The following NAPSA variants were observed in gnomAD, a reference collection of about 807,000 sequenced individuals.
NAPSA encodes the protein napsin-A.
In NAPSA, 37 loss-of-function variants were observed where a neutral mutation model predicts 36.7. The ratio of observed to expected loss-of-function variants is 1.01; its 90% CI spans 0.78 to 1.33. The LOEUF is 1.33. Ranked by LOEUF, NAPSA falls within the 40% of genes most tolerant of loss-of-function variation. The pLI is 0.00. For synonymous variants in NAPSA, 222 were observed against 234.5 expected (o/e 0.95, Z 0.49); for missense variants, 532 against 543.8 (o/e 0.98, Z 0.21).
chr19:50,358,581 T>C lies in NAPSA; in HGVS notation c.1235A>G (p.Glu412Gly). 1 of 1,608,776 alleles carries C rather than the reference T, an allele frequency of 6.2e-7. No individual in the cohort carries two copies. The highest frequency in any genetic ancestry group is 1.1e-5 in the South Asian group (1 of 90,570). Reference protein sequence around the residue: ...RTRGADLGWGETAQAQFPG With the variant: ...RTRGADLGWGGTAQAQFPG ...CCCGGGGAACTGCGCCTGCGCAGTC[T>C]CTCCCCATCCGAGGTCCGCTCCGCG... The change falls in exon 9 of 9, where the codon GAG becomes GGG. Residue 412 changes from glutamate to glycine, a missense_variant. Around this residue, in one of 3 missense-constraint regions of NAPSA, gnomAD observed 385 missense variants for 371.5 expected, o/e 1.04. Transcript: ENST00000253719.
Position 50,361,125 on chromosome 19 carries a change from C to T in NAPSA, c.484G>A (p.Gly162Ser). The change falls in exon 5 of 9, where the codon GGT becomes AGT. Residue 162 changes from glycine (G) to serine (S), a missense_variant. Transcript: ENST00000253719. ...GCCTCCCCGAAAATCACTGATGCACCCTTGATTCCACCAATCTAGGGGTAG... is the reference window on the plus strand; with the variant it reads ...GCCTCCCCGAAAATCACTGATGCACTCTTGATTCCACCAATCTAGGGGTAG... ...EDKLTIGGIK[G>S]ASVIFGEALW... 1 of 1,613,776 alleles carries T rather than the reference C, an allele frequency of 6.2e-7. No individual in the cohort carries two copies. Among genetic ancestry groups the T allele is most frequent in the Non-Finnish European group, 8.5e-7 (1 of 1,179,964 alleles).
intron 4 of NAPSA, chr19:50,361,456 A>G: frequency 1.7e-6 from 1 of 594,912 alleles, no homozygotes; most frequent in South Asian, 2.1e-5. Flanking sequence ...CCCCTGCTTG[A>G]GAAGCCCCAC....
intron 7 of NAPSA, 148 bp downstream of exon 7, chr19:50,359,355 C>T: frequency 9.0e-7 from 1 of 1,110,940 alleles, no homozygotes; most frequent in Non-Finnish European, 1.3e-6. Flanking sequence ...ATTCCTCCAC[C>T]ACCCTCCAGA....
chr19:50,363,240 C>T (rs1234519611), intron 1 of NAPSA, among the ~76,000 whole-genome samples: 3 of 152,050 alleles, frequency 2.0e-5, no homozygotes, highest in South Asian at 2.1e-4. Context: ...TGGAAGTGTA[C>T]ACCCCTCCCC....
At chr19:50,365,663 AT>A, upstream of NAPSA, 1 of 1,541,368 alleles carries the variant, frequency 6.5e-7, no homozygotes, top group Non-Finnish European at 8.8e-7. Flanking sequence ...CTGGGGCCTC[AT>A]TTTCTTTCCC....
Position 50,358,533 on chromosome 19 carries a change from G to A in NAPSA, c.*20C>T, listed in dbSNP as rs748681058. 2 of 1,556,974 alleles carry A rather than the reference G, an allele frequency of 1.3e-6. No homozygotes were observed. The highest frequency in any genetic ancestry group is 2.3e-5 in the South Asian group (2 of 86,314). ...CAGGACCTCCGCGACCACCCGCTGC[G>A]CATGCGCTTCACTTGGGCGTCACCC... On this transcript the variant is annotated 3_prime_UTR_variant, in exon 9 of 9. Coordinates refer to ENST00000253719, the MANE Select transcript of NAPSA (RefSeq NM_004851.3).
At position 50,365,558 on chromosome 19, in the gene NAPSA, A is replaced by C. The variant is rs73932472; in HGVS notation, c.64T>G (p.Ser22Ala). The C allele has an allele frequency of 3.1e-3, 4,988 of 1,613,578 alleles. 84 individuals are homozygous for C. The African/African-American group carries it at 0.036, about 12-fold the overall frequency. Reference protein sequence around the residue: ...LLLPLLNVEPSGATLIRIPLH... With the variant: ...LLLPLLNVEPAGATLIRIPLH... Reference sequence around the variant, plus strand: ...CCATACCGGATCAGTGTGGCCCCGGAAGGCTCCACATTCAGCAGAGGCAGC... The same window carrying C: ...CCATACCGGATCAGTGTGGCCCCGGCAGGCTCCACATTCAGCAGAGGCAGC... Residue 22 changes from serine (S) to alanine (A), a missense_variant, in exon 1 of 9, where the codon TCC becomes GCC. Transcript: ENST00000253719.
Position 50,360,981 on chromosome 19 carries a change from C to A in NAPSA, c.628G>T (p.Gly210Trp). Residue 210 changes from glycine to tryptophan, a missense_variant, in exon 5 of 9, where the codon GGG becomes TGG. This residue lies in a region of NAPSA where 385 missense variants were observed against 371.5 expected (regional missense o/e 1.04). Transcript: ENST00000253719. ...GAGAAGACAGGCTTATCCAATAGCC[C>A]CTGCTCCACCAGTACATCCATCGGG... ...RPPMDVLVEQ[G>W]LLDKPVFSFY... 1 of 1,614,084 alleles carries A rather than the reference C, an allele frequency of 6.2e-7. No individual in the cohort carries two copies. The highest frequency in any genetic ancestry group is 8.5e-7 in the Non-Finnish European group (1 of 1,180,038).
chr19:50,359,187 G>T (rs577241768), intron 7 of NAPSA, 78 bp from the exon 8 acceptor site: 2 of 1,306,678 alleles, frequency 1.5e-6, no homozygotes, highest in Admixed American at 1.8e-5. Flanking sequence ...CAGTGCCATA[G>T]GGTAATTTCC....
At chr19:50,368,210 G>A (rs1237445796), upstream of NAPSA, among the ~76,000 whole-genome samples, 1 of 151,526 alleles carries the variant, frequency 6.6e-6, no homozygotes, top group African/African-American at 2.4e-5. Context: ...TGCGGTGGGG[G>A]TGCGTTTGGG....
At position 50,358,584 on chromosome 19, in the gene NAPSA, C is replaced by T. The variant is rs764770251; in HGVS notation, c.1232G>A (p.Gly411Glu). ...GGGGAACTGCGCCTGCGCAGTCTCT[C>T]CCCATCCGAGGTCCGCTCCGCGAGT... is the stretch of plus-strand genomic sequence containing the variant. ...ARTRGADLGW[G>E]ETAQAQFPG Residue 411 changes from glycine (G) to glutamate (E), a missense_variant, in exon 9 of 9, where the codon GGA becomes GAA. Physicochemically the swap from Gly to Glu is moderately conservative, Grantham distance 98. Transcript: ENST00000253719. The T allele has an allele frequency of 8.7e-6, 14 of 1,609,580 alleles. No homozygotes were observed. The highest frequency in any genetic ancestry group is 1.7e-4 in the Middle Eastern group (1 of 6,052).
At chr19:50,359,969 G>T in intron 5 of NAPSA, 107 bp from the exon 6 acceptor site, 1 of 1,452,576 alleles carries the variant, frequency 6.9e-7, no homozygotes, top group Non-Finnish European at 9.3e-7. Context: ...TGTTTCTGGA[G>T]TTCCTACGGG....
chr19:50,365,467 G>C (rs963712151), intron 1 of NAPSA, 72 bp downstream of exon 1: 4 of 1,429,086 alleles, frequency 2.8e-6, no homozygotes, highest in Admixed American at 3.6e-5. Context: ...ACTGAACTGG[G>C]AGTCCTAGAC....
At chr19:50,365,699 C>A, upstream of NAPSA, 1 of 1,241,300 alleles carries the variant, frequency 8.1e-7, no homozygotes, top group Non-Finnish European at 1.1e-6. Flanking sequence ...TGTTCATGCC[C>A]CACCTCCAGG....
chr19:50,367,576 CTCTCTG>C (rs1156949637), upstream of NAPSA, among the ~76,000 whole-genome samples: 7 of 146,710 alleles, frequency 4.8e-5, no homozygotes, highest in Non-Finnish European at 7.4e-5. Context: ...CTCTCTCTCT[CTCTCTG>C]TCTCTGTCTC....
intron 2 of NAPSA, 36 bp from the exon 3 acceptor site, chr19:50,362,128 G>A (rs2037484433): frequency 6.2e-7 from 1 of 1,613,396 alleles, no homozygotes; most frequent in Non-Finnish European, 8.5e-7. Flanking sequence ...GAAGAGTTTG[G>A]CTCAAGGGCG....
intron 1 of NAPSA, 133 bp downstream of exon 1, chr19:50,365,405 TG>T: frequency 1.3e-6 from 1 of 780,510 alleles, no homozygotes; most frequent in Non-Finnish European, 2.2e-6. Flanking sequence ...TTTAGAGATC[TG>T]GAAAGCTGAG....
chr19:50,367,584 CTCTG>C (rs1275684728), upstream of NAPSA, among the ~76,000 whole-genome samples: 21 of 149,042 alleles, frequency 1.4e-4, no homozygotes, highest in African/African-American at 4.9e-4. Flanking sequence ...CTCTCTCTGT[CTCTG>C]TCTCTCTCTC....
chr19:50,359,221 C>T, intron 7 of NAPSA, 112 bp from the exon 8 acceptor site: 2 of 994,534 alleles, frequency 2.0e-6, no homozygotes, highest in Middle Eastern at 2.2e-4. Flanking sequence ...GGGTACTCAG[C>T]GTCCTGTGTG....
Sources: gnomAD v4.1 joint callset for allele counts (sites outside exome capture counted in the v4.1 genomes callset) on GRCh38, gnomAD v4.1.1 for gene constraint, gnomAD v4.1.1 regional missense constraint, MANE v1.5 for transcripts, NCBI Gene and HGNC (gene_info 2026-07-23, HGNC 2026-07-21) for gene names.